Variants in AOPEP observed in about 807,000 individuals in gnomAD.
The protein encoded by AOPEP is aminopeptidase O.
AOPEP carries 77 observed loss-of-function variants against 98.1 expected under a neutral mutation model. The ratio of observed to expected loss-of-function variants is 0.78; its 90% CI spans 0.65 to 0.95. The LOEUF is 0.95. Ranked by LOEUF, AOPEP falls within the 40% of genes least tolerant of loss-of-function variation. AOPEP has a pLI of 0.00. For synonymous variants in AOPEP, 346 were observed against 365.3 expected, an observed-to-expected ratio of 0.95 and a Z score of 0.60; for missense variants, 1,024 against 1,024.7, an observed-to-expected ratio of 1.00 and a Z score of 0.01.
chr9:95,131,540 G>A, the AOPEP span, among the ~76,000 whole-genome samples: 1 of 152,122 alleles, frequency 6.6e-6, no homozygotes, highest in Non-Finnish European at 1.5e-5. Context: ...GCCCCCCTGA[G>A]GCTAATTCTG....
chr9:94,796,680 T>C (rs1847007766), intron 4 of AOPEP, among the ~76,000 whole-genome samples: 1 of 152,232 alleles, frequency 6.6e-6, no homozygotes, highest in Non-Finnish European at 1.5e-5. Context: ...TCAGTGTTCA[T>C]GTGGGTAAAA....
At chr9:95,131,310 G>C in the AOPEP span, among the ~76,000 whole-genome samples, 1 of 152,186 alleles carries the variant, frequency 6.6e-6, no homozygotes, top group Non-Finnish European at 1.5e-5. Context: ...CAATTAGCCC[G>C]GGTAGCCCAA....
At chr9:94,815,500 A>G (rs1011364248) in intron 5 of AOPEP, among the ~76,000 whole-genome samples, 2 of 152,016 alleles carry the variant, frequency 1.3e-5, no homozygotes, top group Admixed American at 1.3e-4. Flanking sequence ...CTTTTATGGG[A>G]GCCGCCGAGA....
chr9:94,775,527 CAA>C (rs2132955932), intron 3 of AOPEP, among the ~76,000 whole-genome samples: 1 of 152,084 alleles, frequency 6.6e-6, no homozygotes, highest in Admixed American at 6.5e-5. Flanking sequence ...CCACCATGCC[CAA>C]CTAATTTTTG....
At chr9:95,120,718 G>A in the AOPEP span, among the ~76,000 whole-genome samples, 10 of 152,224 alleles carry the variant, frequency 6.6e-5, no homozygotes, top group African/African-American at 9.6e-5. Context: ...ATGAGCCGCC[G>A]TGCCCAGCCA....
At chr9:94,788,270 G>A (rs1844877845) in intron 3 of AOPEP, among the ~76,000 whole-genome samples, 1 of 151,982 alleles carries the variant, frequency 6.6e-6, no homozygotes, top group Non-Finnish European at 1.5e-5. Flanking sequence ...GTAGAGATGG[G>A]ATCCCCCTGT....
intron 1 of AOPEP, among the ~76,000 whole-genome samples, chr9:94,736,270 A>G (rs1266967698): frequency 6.6e-5 from 10 of 152,152 alleles, no homozygotes; most frequent in African/African-American, 2.4e-4. Flanking sequence ...GGCTAGTGAA[A>G]TACATTCTTC....
chr9:95,061,998 A>T (rs1308078131), intron 14 of AOPEP, among the ~76,000 whole-genome samples: 2 of 152,152 alleles, frequency 1.3e-5, no homozygotes, highest in African/African-American at 4.8e-5. Context: ...GTACCACCAA[A>T]CCTCCAGGAC....
chr9:95,065,322 G>T (rs1334974607), intron 14 of AOPEP: 1 of 152,296 alleles, frequency 6.6e-6, no homozygotes, highest in African/African-American at 2.4e-5. Context: ...ATCGTGGTGT[G>T]TGAGGGCAGC....
chr9:94,759,519 C>T (rs867686908), intron 1 of AOPEP, 130 bp from the exon 2 acceptor site: 1 of 399,264 alleles, frequency 2.5e-6, no homozygotes, highest in Non-Finnish European at 4.5e-6. Flanking sequence ...ATAAGTCAGC[C>T]TTCTAGCCAT....
chr9:94,730,541 C>T (rs538995981), intron 1 of AOPEP, among the ~76,000 whole-genome samples: 64 of 152,132 alleles, frequency 4.2e-4, no homozygotes, highest in African/African-American at 1.4e-3. Context: ...ACTCATAAAG[C>T]GTGTAACTTA....
At chr9:94,943,919 CA>C (rs775807087) in intron 7 of AOPEP, among the ~76,000 whole-genome samples, 3,704 of 17,300 alleles carry the variant, frequency 0.21, 153 homozygotes, top group African/African-American at 0.32. Flanking sequence ...GACTCCATCT[CA>C]AAAAAAAAAA....
chr9:95,140,117 T>C, the AOPEP span, among the ~76,000 whole-genome samples: 219 of 152,214 alleles, frequency 1.4e-3, 1 homozygote, highest in Non-Finnish European at 1.6e-3. Flanking sequence ...TTCTGTATCA[T>C]AGTTATGTTT....
intron 3 of AOPEP, among the ~76,000 whole-genome samples, chr9:94,782,340 C>T (rs905596347): frequency 3.3e-5 from 5 of 152,208 alleles, no homozygotes; most frequent in Non-Finnish European, 5.9e-5. Flanking sequence ...TTAAAAACTA[C>T]ATGTGCCCTT....
the AOPEP span, chr9:95,107,330 G>GATTT: frequency 6.5e-7 from 1 of 1,543,344 alleles, no homozygotes. Context: ...ATACTTCTAG[G>GATTT]ATTTATTTAT....
At chr9:94,919,698 T>A (rs767332259) in intron 5 of AOPEP, among the ~76,000 whole-genome samples, 2 of 152,026 alleles carry the variant, frequency 1.3e-5, no homozygotes, top group Non-Finnish European at 2.9e-5. Flanking sequence ...TGTCTCCCTT[T>A]CAGATGGCCC....
intron 3 of AOPEP, among the ~76,000 whole-genome samples, chr9:94,781,008 A>G (rs977384573): frequency 6.6e-6 from 1 of 152,176 alleles, no homozygotes; most frequent in Non-Finnish European, 1.5e-5. Context: ...CATTTCTCCT[A>G]ACTGTTTTTA....
chr9:94,882,760 G>A (rs1236618652), intron 5 of AOPEP, among the ~76,000 whole-genome samples: 2 of 152,196 alleles, frequency 1.3e-5, no homozygotes, highest in African/African-American at 2.4e-5. Flanking sequence ...TGGGCGTCGC[G>A]AGACTCCGTC....
chr9:95,098,614 G>A, the AOPEP span, among the ~76,000 whole-genome samples: 4 of 152,306 alleles, frequency 2.6e-5, no homozygotes, highest in South Asian at 2.1e-4. Context: ...CGCCTTGGCC[G>A]CATCACTCAT....
Sources: gnomAD v4.1 joint callset for allele counts (sites outside exome capture counted in the v4.1 genomes callset) on GRCh38, gnomAD v4.1.1 for gene constraint, MANE v1.5 for transcripts, NCBI Gene and HGNC (gene_info 2026-07-23, HGNC 2026-07-21) for gene names.